Variants in ZFYVE9 observed in about 807,000 individuals in gnomAD.
ZFYVE9 encodes the protein zinc finger FYVE-type containing 9.
ZFYVE9 carries 43 observed loss-of-function variants against 126.7 expected under a neutral mutation model. That is an observed-to-expected ratio of 0.34 (90% CI 0.27 to 0.44). The LOEUF is 0.44. Ranked by LOEUF, ZFYVE9 falls within the 20% of genes least tolerant of loss-of-function variation. The probability of loss-of-function intolerance (pLI) is 1.00; values close to 1 mark genes in which losing one functional copy is unlikely to be tolerated. For synonymous variants in ZFYVE9, 521 were observed against 597.4 expected (o/e 0.87, Z 1.87); for missense variants, 1,476 against 1,697.0 (o/e 0.87, Z 2.29).
intron 1 of ZFYVE9, chr1:52,160,144 A>G (rs907290099): frequency 3.4e-5 from 21 of 619,440 alleles, no homozygotes; most frequent in Non-Finnish European, 5.0e-5. Context: ...ACATAACACT[A>G]TTCTCTGGAG....
intron 1 of ZFYVE9, among the ~76,000 whole-genome samples, chr1:52,173,507 C>T (rs1205715691): frequency 2.0e-5 from 3 of 152,176 alleles, no homozygotes; most frequent in African/African-American, 2.4e-5. Flanking sequence ...CAGGATGATG[C>T]TGGCCTCATA....
chr1:52,172,214 C>T (rs1248339699), intron 1 of ZFYVE9, among the ~76,000 whole-genome samples: 1 of 152,212 alleles, frequency 6.6e-6, no homozygotes, highest in African/African-American at 2.4e-5. Context: ...CAGCTTTCTA[C>T]ATATGGCTAG....
intron 13 of ZFYVE9, among the ~76,000 whole-genome samples, chr1:52,305,819 C>A (rs1646078691): frequency 6.6e-6 from 1 of 152,188 alleles, no homozygotes; most frequent in Admixed American, 6.5e-5. Flanking sequence ...GCTCCTACTG[C>A]CTGGCTTTTC....
At chr1:52,325,239 A>C (rs552415147) in intron 13 of ZFYVE9, among the ~76,000 whole-genome samples, 5 of 152,064 alleles carry the variant, frequency 3.3e-5, no homozygotes, top group Non-Finnish European at 7.4e-5. Context: ...GAGGCAGGAG[A>C]ATGGTGTGAA....
intron 4 of ZFYVE9, among the ~76,000 whole-genome samples, chr1:52,262,702 A>T (rs1446144917): frequency 1.3e-5 from 2 of 152,184 alleles, no homozygotes; most frequent in Non-Finnish European, 2.9e-5. Context: ...AAACTGAAGA[A>T]GTAGAATTTA....
chr1:52,344,959 C>A lies in ZFYVE9; in HGVS notation c.4116+15C>A. The A allele has an allele frequency of 6.2e-7, 1 of 1,611,426 alleles. No homozygotes were observed. The highest frequency in any genetic ancestry group is 8.5e-7 in the Non-Finnish European group (1 of 1,177,712). ...ACTCAGATCAGGTATGATGTGTCTT[C>A]CGCAGCTTTTAAAGCTGGCCTTGGG... is the stretch of plus-strand genomic sequence containing the variant. On this transcript the variant is annotated intron_variant, in intron 18 of 18. Transcript: ENST00000287727.
chr1:52,346,129 T>G lies in ZFYVE9; in HGVS notation c.4186T>G (p.Leu1396Val). 1 of 1,613,618 alleles carries G rather than the reference T, an allele frequency of 6.2e-7. No homozygotes were observed. The highest frequency in any genetic ancestry group is 8.5e-7 in the Non-Finnish European group (1 of 1,179,640). The change falls in exon 19 of 19, where the codon TTG becomes GTG. Residue 1396 changes from leucine (L) to valine (V), a missense_variant. This residue lies in a region of ZFYVE9 where 669 missense variants were observed against 902.4 expected (regional missense o/e 0.74). Transcript: ENST00000287727. ...SQYMNDLDSA[L>V]VPVIHGGACQ... ...GTACATGAATGATCTGGACAGCGCC[T>G]TGGTGCCGGTGATCCATGGAGGGGC...
intron 1 of ZFYVE9, among the ~76,000 whole-genome samples, chr1:52,159,869 C>A (rs1387584810): frequency 6.6e-6 from 1 of 151,762 alleles, no homozygotes; most frequent in Non-Finnish European, 1.5e-5. Flanking sequence ...GATCTCGGCT[C>A]ACTGCAAGCT....
intron 12 of ZFYVE9, among the ~76,000 whole-genome samples, chr1:52,298,916 C>G (rs1646005477): frequency 6.7e-6 from 1 of 148,532 alleles, no homozygotes; most frequent in African/African-American, 2.5e-5. Context: ...TTCACACCTT[C>G]TCCTGCCTCA....
At chr1:52,160,504 T>C (rs1644447177) in intron 1 of ZFYVE9, 1 of 786,724 alleles carries the variant, frequency 1.3e-6, no homozygotes, top group Non-Finnish European at 2.4e-6. Flanking sequence ...CTGAAGCGGC[T>C]ACTCTAGCCA....
chr1:52,290,382 T>G (rs1645906885), intron 10 of ZFYVE9, among the ~76,000 whole-genome samples: 1 of 152,206 alleles, frequency 6.6e-6, no homozygotes, highest in African/African-American at 2.4e-5. Flanking sequence ...CAACACATGC[T>G]TTTTGAGGGA....
Position 52,268,487 on chromosome 1 carries a change from G to A in ZFYVE9, c.2480G>A (p.Arg827Gln), listed in dbSNP as rs1341670016. Residue 827 changes from arginine to glutamine, a missense_variant, in exon 7 of 19, where the codon CGA becomes CAA. Physicochemically the swap from Arg to Gln is conservative, Grantham distance 43 (BLOSUM62 1). Coordinates refer to ENST00000287727, the MANE Select transcript of ZFYVE9 (RefSeq NM_004799.4). ...GTGGCTCAGCCCAGAGAGCAGAGGC[G>A]AGTTTGGTTTGCTGATGGGATCTTG... ...AEVAQPREQR[R>Q]VWFADGILPN... 18 of 1,614,074 alleles carry A rather than the reference G, an allele frequency of 1.1e-5. No individual in the cohort carries two copies. The highest frequency in any genetic ancestry group is 4.4e-5 in the South Asian group (4 of 91,062).
chr1:52,337,852 A>C lies in ZFYVE9; in HGVS notation c.3751A>C (p.Thr1251Pro), dbSNP rs772457769. The C allele has an allele frequency of 2.6e-5, 42 of 1,614,126 alleles. 2 individuals carry two copies. In the African/African-American group the frequency reaches 5.2e-4, roughly 20 times the overall value. ...ALREMKDFTI[T>P]CGKADAEEPQ... ...GCGAGAGATGAAGGACTTCACCATC[A>C]CCTGTGGGAAGGCGGACGCGGAGGA... The change falls in exon 16 of 19, where the codon ACC becomes CCC. Residue 1251 changes from threonine to proline, a missense_variant. Physicochemically the swap from Thr to Pro is conservative, Grantham distance 38. This residue lies in a region of ZFYVE9 where 669 missense variants were observed against 902.4 expected (regional missense o/e 0.74). Coordinates refer to ENST00000287727, the MANE Select transcript of ZFYVE9 (RefSeq NM_004799.4).
At chr1:52,251,454 G>T (rs555539507) in intron 4 of ZFYVE9, among the ~76,000 whole-genome samples, 1 of 151,942 alleles carries the variant, frequency 6.6e-6, no homozygotes, top group Non-Finnish European at 1.5e-5. Context: ...GAATTGAGAT[G>T]ATCATTTGGG....
chr1:52,185,097 C>T (rs143396770), intron 1 of ZFYVE9, among the ~76,000 whole-genome samples: 5 of 152,338 alleles, frequency 3.3e-5, no homozygotes, highest in Middle Eastern at 6.8e-3. Flanking sequence ...TCTGCCTCCG[C>T]ATTGCAGTAC....
intron 8 of ZFYVE9, among the ~76,000 whole-genome samples, chr1:52,278,265 A>T (rs534105119): frequency 6.6e-6 from 1 of 152,344 alleles, no homozygotes; most frequent in African/African-American, 2.4e-5. Flanking sequence ...GTCTATACAC[A>T]GGATAACCAC....
At chr1:52,261,317 G>A (rs914737470) in intron 4 of ZFYVE9, among the ~76,000 whole-genome samples, 1 of 149,370 alleles carries the variant, frequency 6.7e-6, no homozygotes, top group African/African-American at 2.5e-5. Flanking sequence ...AGTGTAGTGT[G>A]TCTTCAAACT....
intron 1 of ZFYVE9, among the ~76,000 whole-genome samples, chr1:52,193,871 G>A (rs12408327): frequency 6.6e-5 from 10 of 151,992 alleles, no homozygotes; most frequent in Admixed American, 5.9e-4. Context: ...CTTGGTAATC[G>A]TTGAAAAATA....
intron 1 of ZFYVE9, among the ~76,000 whole-genome samples, chr1:52,216,041 T>C (rs984504606): frequency 7.2e-5 from 11 of 152,236 alleles, no homozygotes; most frequent in African/African-American, 2.4e-4. Flanking sequence ...GGGCCTATTA[T>C]AAGGCAAATT....
Sources: allele counts gnomAD v4.1 joint callset (sites outside exome capture counted in the v4.1 genomes callset), GRCh38; gene constraint gnomAD v4.1.1; regional missense constraint gnomAD v4.1.1; transcripts MANE v1.5; gene names NCBI Gene and HGNC (gene_info 2026-07-23, HGNC 2026-07-21).